REEP5: variants seen among roughly 807,000 people sequenced by gnomAD.
REEP5 encodes the protein receptor accessory protein 5.
Under a neutral mutation model 22.4 loss-of-function variants are expected in REEP5, and 24 were observed. The ratio of observed to expected loss-of-function variants is 1.07; its 90% CI spans 0.78 to 1.51. REEP5 has a LOEUF of 1.51. Ranked by LOEUF, REEP5 falls within the 40% of genes most tolerant of loss-of-function variation. The pLI is 0.00. For synonymous variants in REEP5, 103 were observed against 88.6 expected (o/e 1.16, Z -0.92); for missense variants, 252 against 233.0 (o/e 1.08, Z -0.53).
intron 2 of REEP5, among the ~76,000 whole-genome samples, chr5:112,913,300 A>C (rs1230111709): frequency 6.6e-6 from 1 of 151,186 alleles, no homozygotes; most frequent in South Asian, 2.1e-4. Flanking sequence ...TCAAGAAAGA[A>C]AGACAGAAAG....
chr5:112,910,090 G>A (rs1006193098), intron 2 of REEP5, among the ~76,000 whole-genome samples: 1 of 152,190 alleles, frequency 6.6e-6, no homozygotes, highest in Non-Finnish European at 1.5e-5. Context: ...ATCACTTGAG[G>A]TCAGGAGTTC....
At chr5:112,902,973 ATAGGT>A (rs765569585) in intron 2 of REEP5, among the ~76,000 whole-genome samples, 1 of 152,236 alleles carries the variant, frequency 6.6e-6, no homozygotes. Flanking sequence ...CATTTGGAAC[ATAGGT>A]TAGGTACTGC....
chr5:112,913,325 A>C (rs1769149202), intron 2 of REEP5, among the ~76,000 whole-genome samples: 1 of 151,450 alleles, frequency 6.6e-6, no homozygotes, highest in Non-Finnish European at 1.5e-5. Flanking sequence ...AAAGACAGAC[A>C]GACAGAAAGG....
chr5:112,905,281 C>T (rs1404364346), intron 2 of REEP5, among the ~76,000 whole-genome samples: 1 of 152,126 alleles, frequency 6.6e-6, no homozygotes, highest in African/African-American at 2.4e-5. Context: ...TGGCTCACAC[C>T]TGTAGTCCCA....
At chr5:112,892,087 A>T (rs758469884) in intron 3 of REEP5, 9 of 1,611,880 alleles carry the variant, frequency 5.6e-6, no homozygotes, top group Admixed American at 1.7e-5. Flanking sequence ...TCAGGCTGAA[A>T]ATGATTTAGA....
rs1224688236 is a variant in REEP5, at chr5:112,914,667, T to C, written c.212+6496A>G. Among the ~76,000 whole-genome samples, 3 of 152,166 alleles carry C rather than the reference T, an allele frequency of 2.0e-5. No homozygotes were observed. In the East Asian group the frequency reaches 5.8e-4, roughly 29 times the overall value. On this transcript the variant is annotated intron_variant, in intron 2 of 4. Coordinates refer to ENST00000379638, the MANE Select transcript of REEP5 (RefSeq NM_005669.5). ...AAGTTTAACTTAATCTCAAGTAACC[T>C]CACAACTTAGAAGGGGAACAACCTA... is the stretch of plus-strand genomic sequence containing the variant.
chr5:112,893,094 T>TAAAAAAAAAAAA (rs552226372), intron 3 of REEP5: 54 of 501,482 alleles, frequency 1.1e-4, no homozygotes, highest in African/African-American at 5.0e-4. Context: ...GTTTTGTTCT[T>TAAAAAAAAAAAA]AAAAAAAAAA....
chr5:112,892,002 G>A lies in REEP5; in HGVS notation c.352-4819C>T, dbSNP rs538839279. 3.2e-5 allele frequency: 41 copies of A among 1,287,264 alleles called. No homozygotes were observed. The East Asian group carries it at 9.5e-4, about 30-fold the overall frequency. 79.7% of individuals were successfully genotyped at this position (1,287,264 alleles called of 1,614,324 possible). A position where few individuals can be genotyped will look rare whatever the true frequency, so the allele number is the denominator to read the frequency against. Reference sequence around the variant, plus strand: ...AGGAACAATGGAAAGAACAGCAGAGGAAAGAGAGAGAAGAGGAGGAGCAGA... The same window carrying A: ...AGGAACAATGGAAAGAACAGCAGAGAAAAGAGAGAGAAGAGGAGGAGCAGA... On this transcript the variant is annotated intron_variant, in intron 3 of 4. Transcript: ENST00000379638.
At chr5:112,892,568 C>G in intron 3 of REEP5, 3 of 1,614,120 alleles carry the variant, frequency 1.9e-6, no homozygotes, top group Non-Finnish European at 2.5e-6. Context: ...TGCCCAGTGA[C>G]CCGGTGGAAA....
chr5:112,879,635 A>G (rs995097613), intron 4 of REEP5, among the ~76,000 whole-genome samples: 11 of 151,820 alleles, frequency 7.2e-5, no homozygotes, highest in East Asian at 2.0e-4. Flanking sequence ...CACCACGCCC[A>G]GCTAATTTTT....
intron 2 of REEP5, among the ~76,000 whole-genome samples, chr5:112,912,762 G>C (rs1769133637): frequency 6.6e-6 from 1 of 152,040 alleles, no homozygotes; most frequent in Non-Finnish European, 1.5e-5. Context: ...GTATGATGTA[G>C]GAATTCTTAG....
Position 112,921,960 on chromosome 5 carries a change from C to G in REEP5, c.118+113G>C, listed in dbSNP as rs1769382857. ...TGATCCCTGAATATGCTGCTTGTCC[C>G]GTCTGTCTCCGACTCCACCTTTCCC... On this transcript the variant is annotated intron_variant, in intron 1 of 4. Coordinates refer to ENST00000379638, the MANE Select transcript of REEP5 (RefSeq NM_005669.5). 5.3e-6 allele frequency: 7 copies of G among 1,313,676 alleles called. No homozygotes were observed. The South Asian group carries it at 9.0e-5, about 17-fold the overall frequency. The allele number at this position is 1,313,676 out of a possible 1,614,324, so 81.4% of individuals were successfully genotyped here.
At chr5:112,917,854 G>A (rs1215206604) in intron 2 of REEP5, among the ~76,000 whole-genome samples, 2 of 152,228 alleles carry the variant, frequency 1.3e-5, no homozygotes, top group Non-Finnish European at 2.9e-5. Flanking sequence ...CTGGGTAGGA[G>A]GAATAGGGAG....
At chr5:112,902,161 C>T (rs1244192328) in intron 3 of REEP5, among the ~76,000 whole-genome samples, 1 of 151,820 alleles carries the variant, frequency 6.6e-6, no homozygotes, top group Non-Finnish European at 1.5e-5. Flanking sequence ...GTGGTGTGCG[C>T]CTATGGTCCC....
At chr5:112,879,394 C>G (rs1214170057) in intron 4 of REEP5, among the ~76,000 whole-genome samples, 1 of 152,082 alleles carries the variant, frequency 6.6e-6, no homozygotes, top group Non-Finnish European at 1.5e-5. Flanking sequence ...ATACCAAAAT[C>G]TGTGAGTGCT....
At chr5:112,902,285 G>C (rs1768869334) in intron 3 of REEP5, 95 bp downstream of exon 3, 2 of 1,268,168 alleles carry the variant, frequency 1.6e-6, no homozygotes, top group South Asian at 1.7e-5. Context: ...TATAATCTGA[G>C]ACAGAGCCAC....
Position 112,896,329 on chromosome 5 carries a change from G to C in REEP5, c.351+6051C>G, listed in dbSNP as rs527560213. On this transcript the variant is annotated intron_variant, in intron 3 of 4. Transcript: ENST00000379638. ...ACCTGAGGTCAGGAGTTTGAGACCAGCCTGGCCAACATGGTGAAACCCCAT... is the reference window on the plus strand; with the variant it reads ...ACCTGAGGTCAGGAGTTTGAGACCACCCTGGCCAACATGGTGAAACCCCAT... The C allele has an allele frequency of 2.6e-5, 4 of 152,584 alleles. No homozygotes were observed. In the East Asian group the frequency reaches 7.7e-4, roughly 30 times the overall value. 9.5% of individuals were successfully genotyped at this position (152,584 alleles called of 1,614,324 possible).
intron 4 of REEP5, among the ~76,000 whole-genome samples, chr5:112,879,616 T>G (rs1008856812): frequency 8.5e-5 from 13 of 152,058 alleles, no homozygotes; most frequent in Middle Eastern, 3.4e-3. Flanking sequence ...TGGGACTACA[T>G]GCACTCACCA....
At chr5:112,896,651 T>C (rs1768688436) in intron 3 of REEP5, 1 of 152,116 alleles carries the variant, frequency 6.6e-6, no homozygotes, top group Non-Finnish European at 1.5e-5. Flanking sequence ...TAAAAATAAA[T>C]CTAGCCAGGC....
Sources: allele counts gnomAD v4.1 joint callset (sites outside exome capture counted in the v4.1 genomes callset), GRCh38; gene constraint gnomAD v4.1.1; transcripts MANE v1.5; gene names NCBI Gene and HGNC (gene_info 2026-07-23, HGNC 2026-07-21).